The following FREM1 variants were observed in gnomAD, a reference collection of about 807,000 sequenced individuals.
FREM1 encodes the protein FRAS1 related extracellular matrix 1.
A neutral mutation model predicts 210.1 loss-of-function variants in FREM1; 220 were observed. That is an observed-to-expected ratio of 1.05 (90% confidence interval 0.94 to 1.17). The LOEUF is 1.17. FREM1 is among the 50% of genes most tolerant of loss of function. FREM1 has a pLI of 0.00. For synonymous variants in FREM1, 1,189 were observed against 980.2 expected (o/e 1.21, Z -3.98); for missense variants, 3,454 against 2,675.5 (o/e 1.29, Z -6.42).
chr9:14,805,258 A>G, intron 18 of FREM1, 106 bp from the exon 19 acceptor site: 5 of 603,814 alleles, frequency 8.3e-6, no homozygotes, highest in Non-Finnish European at 1.4e-5. Context: ...AATACAAATA[A>G]GAGATCATAG....
Position 14,776,845 on chromosome 9 carries a change from C to G in FREM1, c.4443-642G>C, listed in dbSNP as rs559283237. Among the ~76,000 whole-genome samples the G allele has an allele frequency of 2.0e-4, 30 of 152,252 alleles. No individual in the cohort carries two copies. In the South Asian group the frequency reaches 6.2e-3, roughly 32 times the overall value. On this transcript the variant is annotated intron_variant, in intron 24 of 36. Coordinates refer to ENST00000380880, the MANE Select transcript of FREM1 (RefSeq NM_001379081.2). The stretch of plus-strand genomic sequence containing the variant: ...GGACCAGAAGATCATTAAGTACCAC[C>G]CAACTCTAAAATATGACGGGAGGCT...
chr9:14,768,473 T>A (rs1846876850), intron 27 of FREM1, among the ~76,000 whole-genome samples: 1 of 152,094 alleles, frequency 6.6e-6, no homozygotes, highest in Non-Finnish European at 1.5e-5. Flanking sequence ...TGTTTTACAT[T>A]TTGTAATCTC....
chr9:14,797,297 T>C (rs914331834), intron 21 of FREM1, among the ~76,000 whole-genome samples: 11 of 152,216 alleles, frequency 7.2e-5, no homozygotes, highest in Non-Finnish European at 1.5e-5. Context: ...ATCAAGTAAT[T>C]AAACGGCTGA....
intron 4 of FREM1, among the ~76,000 whole-genome samples, chr9:14,858,446 T>G (rs1249393381): frequency 6.6e-6 from 1 of 151,508 alleles, no homozygotes; most frequent in Admixed American, 6.6e-5. Context: ...GCAGTCTTCC[T>G]GCCTCAGCCT....
rs748248524 is a variant in FREM1 at position 14,859,284 on chromosome 9, G to C, written c.530C>G (p.Thr177Ser). The C allele has an allele frequency of 1.9e-6, 3 of 1,613,830 alleles. No individual in the cohort carries two copies. In the South Asian group the frequency reaches 3.3e-5, roughly 18 times the overall value. Residue 177 changes from threonine (T) to serine (S), a missense_variant, in exon 4 of 37, where the codon ACT becomes AGT. Physicochemically the swap from Thr to Ser is moderately conservative, Grantham distance 58. Coordinates refer to ENST00000380880, the MANE Select transcript of FREM1 (RefSeq NM_001379081.2). ...ASLECTVSLD[T>S]ARTRLPAHGQ... The stretch of plus-strand genomic sequence containing the variant: ...ATGGGCTGGCAGCCGAGTTCTCGCA[G>C]TGTCCAGGCTGACGGTACATTCCAG...
At chr9:14,823,356 G>C (rs1198939601) in intron 12 of FREM1, 29 bp from the exon 13 acceptor site, 2 of 1,598,636 alleles carry the variant, frequency 1.3e-6, no homozygotes, top group East Asian at 2.2e-5. Flanking sequence ...TGGATATGTG[G>C]GTGCTGACTT....
chr9:14,832,715 G>A (rs1287753230), intron 10 of FREM1, among the ~76,000 whole-genome samples: 2 of 152,068 alleles, frequency 1.3e-5, no homozygotes, highest in African/African-American at 2.4e-5. Flanking sequence ...CTGGCAAAAG[G>A]GTAAAAATTT....
At chr9:14,789,236 A>G (rs1056926286) in intron 22 of FREM1, 122 bp from the exon 23 acceptor site, 8 of 619,878 alleles carry the variant, frequency 1.3e-5, no homozygotes, top group Non-Finnish European at 2.0e-5. Context: ...GGGAAATTCC[A>G]GACTACTTTT....
Position 14,824,957 on chromosome 9 carries a change from C to T in FREM1, c.1917G>A (p.Gln639=), listed in dbSNP as rs766898128. 1.9e-6 allele frequency: 3 copies of T among 1,604,692 alleles called. No homozygotes were observed. Among genetic ancestry groups the T allele is most frequent in the East Asian group, 2.2e-5 (1 of 44,728 alleles). ...ATIHITPVDD[Q]LPKEAPGVSR... ...AAACTCCAGGAGCCTCTTTTGGAAG[C>T]TGGTCATCCACTGGAGTTATATGGA... The change falls in exon 11 of 37, where the codon CAG becomes CAA. Residue 639 remains glutamine, a synonymous_variant. Coordinates refer to ENST00000380880, the MANE Select transcript of FREM1 (RefSeq NM_001379081.2).
At chr9:14,747,152 G>T in intron 33 of FREM1, 101 bp from the exon 34 acceptor site, 2 of 1,584,866 alleles carry the variant, frequency 1.3e-6, no homozygotes, top group Non-Finnish European at 1.7e-6. Flanking sequence ...AAGCATTTGT[G>T]TTGGGTAAAC....
chr9:14,792,360 A>G (rs532478803), intron 22 of FREM1, among the ~76,000 whole-genome samples: 5 of 151,934 alleles, frequency 3.3e-5, no homozygotes, highest in African/African-American at 1.2e-4. Context: ...GGAGTTTTAT[A>G]ATTGAGATGA....
At chr9:14,875,146 T>C (rs62537686) in intron 1 of FREM1, among the ~76,000 whole-genome samples, 20,965 of 152,196 alleles carry the variant, frequency 0.14, 1,883 homozygotes, top group Middle Eastern at 0.24. Flanking sequence ...ATTACGTGTC[T>C]TGGAGTTGCT....
chr9:14,740,583 TG>T (rs1241808894), intron 35 of FREM1, among the ~76,000 whole-genome samples: 1 of 152,218 alleles, frequency 6.6e-6, no homozygotes, highest in African/African-American at 2.4e-5. Context: ...TTCTCATAAG[TG>T]TATTTCTAGC....
chr9:14,850,736 T>C (rs1349734715), intron 6 of FREM1, among the ~76,000 whole-genome samples: 1 of 152,090 alleles, frequency 6.6e-6, no homozygotes, highest in African/African-American at 2.4e-5. Context: ...CCAAAAAAAT[T>C]TTGTTAAAAA....
intron 4 of FREM1, 33 bp from the exon 5 acceptor site, chr9:14,857,782 C>T (rs1829063620): frequency 3.4e-6 from 5 of 1,482,240 alleles, no homozygotes; most frequent in East Asian, 2.3e-5. Context: ...AAGAGAGTCA[C>T]TTAAACATAA....
rs530725502 is a variant in FREM1, at chr9:14,873,292, C to A, written c.-267-4048G>T. Among the ~76,000 whole-genome samples, 436 of 152,280 alleles carry A rather than the reference C, an allele frequency of 2.9e-3. 2 individuals are homozygous for A. Among genetic ancestry groups the A allele is most frequent in the Middle Eastern group, 0.014 (4 of 294 alleles). On this transcript the variant is annotated intron_variant, in intron 1 of 36. Coordinates refer to ENST00000380880, the MANE Select transcript of FREM1 (RefSeq NM_001379081.2). ...TGGTAGAATTCGGCTGTGAATCCAT[C>A]AGGTCCTGGACTCTTTTTGGTTGGT...
chr9:14,764,154 T>C (rs1320999283), intron 27 of FREM1, among the ~76,000 whole-genome samples: 1 of 152,216 alleles, frequency 6.6e-6, no homozygotes, highest in Non-Finnish European at 1.5e-5. Flanking sequence ...GGTTTCCCTT[T>C]TCACTTGGCT....
chr9:14,903,164 T>C (rs1446505767), intron 1 of FREM1, among the ~76,000 whole-genome samples: 1 of 152,232 alleles, frequency 6.6e-6, no homozygotes, highest in East Asian at 1.9e-4. Context: ...AAGTCATTTT[T>C]ATAAAATGCT....
At chr9:14,867,111 C>T (rs1831668863) in intron 2 of FREM1, among the ~76,000 whole-genome samples, 1 of 152,154 alleles carries the variant, frequency 6.6e-6, no homozygotes, top group South Asian at 2.1e-4. Context: ...CCACCCGCCT[C>T]AGCCACCCAA....
Sources: gnomAD v4.1 joint callset for allele counts (sites outside exome capture counted in the v4.1 genomes callset) on GRCh38, gnomAD v4.1.1 for gene constraint, MANE v1.5 for transcripts, NCBI Gene and HGNC (gene_info 2026-07-23, HGNC 2026-07-21) for gene names.